The following ANKS4B variants were observed in gnomAD, a reference collection of about 807,000 sequenced individuals.
ANKS4B encodes the protein ankyrin repeat and SAM domain-containing protein 4B.
A neutral mutation model predicts 20.2 loss-of-function variants in ANKS4B; 21 were observed. The observed-to-expected ratio is 1.04, with a 90% CI of 0.74 to 1.50. The LOEUF (loss-of-function observed/expected upper bound fraction) is 1.50. Ranked by LOEUF, ANKS4B falls within the 40% of genes most tolerant of loss-of-function variation. The pLI is 0.00. For synonymous variants in ANKS4B, 179 were observed against 194.5 expected (o/e 0.92, Z 0.66); for missense variants, 473 against 494.6 (o/e 0.96, Z 0.41).
intron 1 of ANKS4B, among the ~76,000 whole-genome samples, chr16:21,242,790 C>G (rs886636663): frequency 6.6e-6 from 1 of 152,144 alleles, no homozygotes; most frequent in African/African-American, 2.4e-5. Flanking sequence ...GAGGAACATT[C>G]CTGCTCATTC....
At position 21,249,678 on chromosome 16, in the gene ANKS4B, C is replaced by T. The variant is rs987400213; in HGVS notation, c.165-53C>T. 2.6e-6 allele frequency: 4 copies of T among 1,528,494 alleles called. 1 individual carries two copies. In the South Asian group the frequency reaches 3.9e-5, roughly 15 times the overall value. 94.7% of individuals were successfully genotyped at this position (1,528,494 alleles called of 1,614,324 possible). A position where few individuals can be genotyped will look rare whatever the true frequency, so the allele number is the denominator to read the frequency against. On this transcript the variant is annotated intron_variant, in intron 1 of 1. Transcript: ENST00000311620. ...TTTTGTTTTGATTTTTTTGGGCCTGCGTTCAGAGAAAAAAAGTCCAACATG... is the reference window on the plus strand; with the variant it reads ...TTTTGTTTTGATTTTTTTGGGCCTGTGTTCAGAGAAAAAAAGTCCAACATG...
chr16:21,237,871 G>C (rs1366555879), intron 1 of ANKS4B, among the ~76,000 whole-genome samples: 1 of 152,074 alleles, frequency 6.6e-6, no homozygotes, highest in Non-Finnish European at 1.5e-5. Flanking sequence ...GGTCCAAAAT[G>C]ATATATTAGG....
intron 1 of ANKS4B, among the ~76,000 whole-genome samples, chr16:21,238,695 A>G (rs1185579202): frequency 6.6e-6 from 1 of 151,718 alleles, no homozygotes; most frequent in Non-Finnish European, 1.5e-5. Context: ...GTTATAGTCT[A>G]TCTCTTTCTC....
chr16:21,242,021 G>T (rs2093327118), intron 1 of ANKS4B, among the ~76,000 whole-genome samples: 2 of 152,088 alleles, frequency 1.3e-5, no homozygotes, highest in Non-Finnish European at 2.9e-5. Context: ...AACATAGCAA[G>T]ACCCCATCTC....
intron 1 of ANKS4B, 47 bp from the exon 2 acceptor site, chr16:21,249,684 G>T: frequency 6.5e-7 from 1 of 1,536,732 alleles, no homozygotes; most frequent in Non-Finnish European, 8.8e-7. Context: ...CCTGCGTTCA[G>T]AGAAAAAAAG....
chr16:21,233,914 C>T lies in ANKS4B; in HGVS notation c.164+13C>T, dbSNP rs370905615. 1.2e-5 allele frequency: 20 copies of T among 1,604,136 alleles called. No homozygotes were observed. The highest frequency in any genetic ancestry group is 5.4e-5 in the African/African-American group (4 of 74,720). On this transcript the variant is annotated intron_variant, in intron 1 of 1. Coordinates refer to ENST00000311620, the MANE Select transcript of ANKS4B (RefSeq NM_145865.3). ...TCTGCAGTAGAGGGTAAGTTCAACC[C>T]GATGGTTTCTGTTGGAAACAGTGTT...
In ANKS4B at chr16:21,251,731, G is replaced by A. The variant is rs1361208771; in HGVS notation, c.*911G>A. 1 of 152,248 alleles carries A rather than the reference G, an allele frequency of 6.6e-6. No individual in the cohort carries two copies. Among genetic ancestry groups the A allele is most frequent in the Non-Finnish European group, 1.5e-5 (1 of 68,064 alleles). 9.4% of individuals were successfully genotyped at this position (152,248 alleles called of 1,614,324 possible). A position where few individuals can be genotyped will look rare whatever the true frequency, so the allele number is the denominator to read the frequency against. On this transcript the variant is annotated 3_prime_UTR_variant, in exon 2 of 2. Transcript: ENST00000311620. ...ATACTCCTGCCTGAGAATAGAGACAGAGTGGTGGTGGGGAGAGTGAAGAAA... is the reference window on the plus strand; with the variant it reads ...ATACTCCTGCCTGAGAATAGAGACAAAGTGGTGGTGGGGAGAGTGAAGAAA...
Position 21,250,850 on chromosome 16 carries a change from G to C in ANKS4B, c.*30G>C. On this transcript the variant is annotated 3_prime_UTR_variant, in exon 2 of 2. Coordinates refer to ENST00000311620, the MANE Select transcript of ANKS4B (RefSeq NM_145865.3). The stretch of plus-strand genomic sequence containing the variant: ...GAGTTTTGGCCTGGAGCATTGGGGT[G>C]ATGCTGTGGCCCGCTGGCAGCACTC... The C allele has an allele frequency of 6.4e-7, 1 of 1,553,596 alleles. No individual in the cohort carries two copies. The highest frequency in any genetic ancestry group is 8.7e-7 in the Non-Finnish European group (1 of 1,146,372).
At chr16:21,234,657 A>G in intron 1 of ANKS4B, among the ~76,000 whole-genome samples, 1 of 152,082 alleles carries the variant, frequency 6.6e-6, no homozygotes, top group East Asian at 1.9e-4. Context: ...AAGGTAAATA[A>G]AGGAGCCAAG....
At chr16:21,246,639 C>T (rs76480232) in intron 1 of ANKS4B, among the ~76,000 whole-genome samples, 4,796 of 151,826 alleles carry the variant, frequency 0.032, 163 homozygotes, top group East Asian at 0.099. Flanking sequence ...GGCCATGTAG[C>T]TGGTAAAATG....
chr16:21,251,893 T>C lies in ANKS4B; in HGVS notation c.*1073T>C, dbSNP rs2093339980. On this transcript the variant is annotated 3_prime_UTR_variant, in exon 2 of 2. Coordinates refer to ENST00000311620, the MANE Select transcript of ANKS4B (RefSeq NM_145865.3). ...TTAAGGTTAAATGAAGTCATAAGAA[T>C]GCAACCCTAATCCTGTAGGACTGGT... is the stretch of plus-strand genomic sequence containing the variant. 6.6e-6 allele frequency: 1 copy of C among 151,734 alleles called. No individual in the cohort carries two copies. Among genetic ancestry groups the C allele is most frequent in the Non-Finnish European group, 1.5e-5 (1 of 67,982 alleles). 9.4% of individuals were successfully genotyped at this position (151,734 alleles called of 1,614,324 possible). A position where few individuals can be genotyped will look rare whatever the true frequency, so the allele number is the denominator to read the frequency against.
chr16:21,249,532 T>C (rs1189462297), intron 1 of ANKS4B, among the ~76,000 whole-genome samples, 199 bp from the exon 2 acceptor site: 1 of 152,188 alleles, frequency 6.6e-6, no homozygotes, highest in Non-Finnish European at 1.5e-5. Context: ...ATGGGCTCTG[T>C]TTCTGGCCAT....
At chr16:21,248,192 T>TA (rs1168273330) in intron 1 of ANKS4B, among the ~76,000 whole-genome samples, 2 of 151,820 alleles carry the variant, frequency 1.3e-5, no homozygotes, top group African/African-American at 4.8e-5. Flanking sequence ...TATTTTTATT[T>TA]TAAAAAAAAA....
In ANKS4B at chr16:21,233,818, T is replaced by C; in HGVS notation, c.81T>C (p.Leu27=). 1 of 1,613,966 alleles carries C rather than the reference T, an allele frequency of 6.2e-7. No individual in the cohort carries two copies. Among genetic ancestry groups the C allele is most frequent in the Non-Finnish European group, 8.5e-7 (1 of 1,179,940 alleles). The part of the protein sequence containing the change: ...LKEATKRDLN[L]SDEDGMTPTL... ...AGGCTACCAAGCGAGATCTAAATCT[T>C]TCGGATGAAGACGGCATGACTCCTA... Residue 27 remains leucine (L), a synonymous_variant, in exon 1 of 2, where the codon CTT becomes CTC. Coordinates refer to ENST00000311620, the MANE Select transcript of ANKS4B (RefSeq NM_145865.3).
At position 21,249,720 on chromosome 16, in the gene ANKS4B, C is replaced by T. The variant is rs770897592; in HGVS notation, c.165-11C>T. On this transcript the variant is annotated splice_polypyrimidine_tract_variant and intron_variant, in intron 1 of 1. Transcript: ENST00000311620. ...TCCAACATGTATTTTTTTTCTCTCT[C>T]TCTCTTCTAGAGGGGACCCTGATAG... 15 of 1,563,636 alleles carry T rather than the reference C, an allele frequency of 9.6e-6. No individual in the cohort carries two copies. In the Admixed American group the frequency reaches 1.2e-4, roughly 12 times the overall value.
intron 1 of ANKS4B, among the ~76,000 whole-genome samples, chr16:21,245,602 C>A (rs888612682): frequency 1.3e-5 from 2 of 152,028 alleles, no homozygotes; most frequent in Non-Finnish European, 2.9e-5. Context: ...GTAGCTGGGA[C>A]TACAGGCGCG....
At chr16:21,248,700 CA>C (rs1343332695) in intron 1 of ANKS4B, among the ~76,000 whole-genome samples, 2 of 152,010 alleles carry the variant, frequency 1.3e-5, no homozygotes, top group Non-Finnish European at 2.9e-5. Context: ...CACTGCACTC[CA>C]GCCTGGACGA....
intron 1 of ANKS4B, among the ~76,000 whole-genome samples, chr16:21,247,209 CAT>C (rs2093333419): frequency 6.6e-6 from 1 of 152,060 alleles, no homozygotes; most frequent in African/African-American, 2.4e-5. Context: ...GGATTACAGA[CAT>C]GTGCCACCAC....
intron 1 of ANKS4B, among the ~76,000 whole-genome samples, chr16:21,236,267 T>C (rs1005093773): frequency 1.3e-5 from 2 of 152,276 alleles, no homozygotes; most frequent in Admixed American, 6.5e-5. Context: ...CCAAGGGGAA[T>C]GGTGCTAAAC....
Sources: allele counts gnomAD v4.1 joint callset (sites outside exome capture counted in the v4.1 genomes callset), GRCh38; gene constraint gnomAD v4.1.1; transcripts MANE v1.5; gene names NCBI Gene and HGNC (gene_info 2026-07-23, HGNC 2026-07-21).